Variants in ERI1 observed in about 807,000 individuals in gnomAD.
ERI1 encodes exoribonuclease 1.
ERI1 carries 39 observed loss-of-function variants against 39.7 expected under a neutral mutation model. The observed-to-expected ratio is 0.98, with a 90% CI of 0.76 to 1.28. The LOEUF (loss-of-function observed/expected upper bound fraction) is 1.28. ERI1 is among the 50% of genes most tolerant of loss of function. The pLI is 0.00. For synonymous variants in ERI1, 204 were observed against 149.6 expected (o/e 1.36, Z -2.65); for missense variants, 581 against 416.9 (o/e 1.39, Z -3.43).
At chr8:9,090,500 A>T (rs34443356) in intron 3 of ERI1, among the ~76,000 whole-genome samples, 65,106 of 152,084 alleles carry the variant, frequency 0.43, 14,775 homozygotes, top group Non-Finnish European at 0.49. Flanking sequence ...CTACATGACC[A>T]GGAGTGGAAA....
At chr8:9,090,419 A>T (rs1799668341) in intron 3 of ERI1, among the ~76,000 whole-genome samples, 1 of 152,196 alleles carries the variant, frequency 6.6e-6, no homozygotes. Flanking sequence ...ATAATCAGCA[A>T]TGCAGATGAA....
intron 3 of ERI1, among the ~76,000 whole-genome samples, chr8:9,039,754 T>TA (rs141769521): frequency 0.029 from 4,352 of 152,310 alleles, 114 homozygotes; most frequent in Non-Finnish European, 0.044. Flanking sequence ...GTTATCCTGC[T>TA]AAAAACTAAC....
chr8:9,059,735 C>A (rs67259528), intron 3 of ERI1, among the ~76,000 whole-genome samples: 21,409 of 151,936 alleles, frequency 0.14, 1,634 homozygotes, highest in African/African-American at 0.18. Context: ...TTAAGAGTGG[C>A]GGTTTGGGGA....
chr8:9,029,725 C>G, intron 6 of ERI1, 67 bp from the exon 7 acceptor site: 1 of 1,570,088 alleles, frequency 6.4e-7, no homozygotes, highest in Admixed American at 1.7e-5. Context: ...TATTTTTCAT[C>G]TTAACTGTGG....
intron 3 of ERI1, among the ~76,000 whole-genome samples, chr8:9,090,646 A>G (rs1208126017): frequency 6.6e-6 from 1 of 152,018 alleles, no homozygotes; most frequent in Non-Finnish European, 1.5e-5. Flanking sequence ...GAGAAAGGAA[A>G]CTCTCTCTGG....
chr8:9,027,146 T>C (rs569592161), intron 6 of ERI1, among the ~76,000 whole-genome samples: 1 of 118,410 alleles, frequency 8.4e-6, no homozygotes, highest in East Asian at 5.0e-4. Context: ...GGTGTGTGTG[T>C]GTATGTGTGT....
chr8:9,043,479 C>A (rs961833228), intron 3 of ERI1, among the ~76,000 whole-genome samples: 1 of 152,206 alleles, frequency 6.6e-6, no homozygotes, highest in African/African-American at 2.4e-5. Context: ...CTTTGGAGTT[C>A]AGGAACATCT....
chr8:9,042,325 T>G (rs1398443329), intron 3 of ERI1, among the ~76,000 whole-genome samples: 1 of 152,208 alleles, frequency 6.6e-6, no homozygotes, highest in Non-Finnish European at 1.5e-5. Flanking sequence ...TGCAAAAGGT[T>G]CCTAAAATCT....
chr8:9,025,702 T>TGTGTGTGTG (rs1554519270), intron 6 of ERI1, among the ~76,000 whole-genome samples: 21 of 147,870 alleles, frequency 1.4e-4, no homozygotes, highest in African/African-American at 4.7e-4. Flanking sequence ...TCTTTTTTTT[T>TGTGTGTGTG]TGTGTGTGTG....
downstream of ERI1, among the ~76,000 whole-genome samples, chr8:9,033,605 A>T (rs1223718484): frequency 6.6e-6 from 1 of 152,236 alleles, no homozygotes; most frequent in African/African-American, 2.4e-5. Flanking sequence ...TTTATGGAGC[A>T]CTGTTAAGTA....
At chr8:9,065,002 A>G (rs1166779478) in intron 3 of ERI1, among the ~76,000 whole-genome samples, 2 of 152,142 alleles carry the variant, frequency 1.3e-5, no homozygotes, top group Non-Finnish European at 2.9e-5. Context: ...GGTGCTCAGT[A>G]GGGGAGCTTT....
chr8:9,028,068 T>A (rs1797308516), intron 6 of ERI1, among the ~76,000 whole-genome samples: 1 of 152,232 alleles, frequency 6.6e-6, no homozygotes, highest in Non-Finnish European at 1.5e-5. Flanking sequence ...GGCTTTTGTA[T>A]CAAAGTGATG....
intron 2 of ERI1, 50 bp from the exon 3 acceptor site, chr8:9,011,492 C>G: frequency 7.6e-7 from 1 of 1,323,378 alleles, no homozygotes; most frequent in African/African-American, 1.5e-5. Context: ...AGTTTTGATT[C>G]TTGACTGTAG....
downstream of ERI1, among the ~76,000 whole-genome samples, chr8:9,034,089 A>T (rs1797757444): frequency 6.6e-6 from 1 of 152,248 alleles, no homozygotes; most frequent in African/African-American, 2.4e-5. Flanking sequence ...TCTTGAGTTT[A>T]TAATGACACA....
rs1797676209 is a variant in ERI1 at position 9,032,724 on chromosome 8, CAG to C, written c.*2692_*2693del. 1 of 152,114 alleles carries C rather than the reference CAG, an allele frequency of 6.6e-6. No homozygotes were observed. Among genetic ancestry groups the C allele is most frequent in the Non-Finnish European group, 1.5e-5 (1 of 68,014 alleles). The allele number at this position is 152,114 out of a possible 1,614,324, so 9.4% of individuals were successfully genotyped here. A position where few individuals can be genotyped will look rare whatever the true frequency, so the allele number is the denominator to read the frequency against. On this transcript the variant is annotated 3_prime_UTR_variant, in exon 7 of 7. Transcript: ENST00000250263. The stretch of plus-strand genomic sequence containing the variant: ...TTATCCCCAAAATGATAATGCAAAA[CAG>C]AATAATTTGGAGACCAGGAGAAAAA...
chr8:9,085,244 T>G (rs1799488669), intron 3 of ERI1, among the ~76,000 whole-genome samples: 1 of 152,224 alleles, frequency 6.6e-6, no homozygotes, highest in African/African-American at 2.4e-5. Flanking sequence ...AGTCTTGCTC[T>G]GTCACCCAGG....
rs968771674 is a variant in ERI1, at chr8:9,032,319, G to A, written c.*2285G>A. On this transcript the variant is annotated 3_prime_UTR_variant, in exon 7 of 7. Coordinates refer to ENST00000250263, the MANE Select transcript of ERI1 (RefSeq NM_153332.4). ...ATTTACAAACAATTTATTATTAGCT[G>A]TGTTAACTTTTATTCTATGCTTCAT... is the stretch of plus-strand genomic sequence containing the variant. 1 of 152,090 alleles carries A rather than the reference G, an allele frequency of 6.6e-6. No homozygotes were observed. The highest frequency in any genetic ancestry group is 1.5e-5 in the Non-Finnish European group (1 of 68,012). 9.4% of individuals were successfully genotyped at this position (152,090 alleles called of 1,614,324 possible). A position where few individuals can be genotyped will look rare whatever the true frequency, so the allele number is the denominator to read the frequency against.
In ERI1 at chr8:9,029,806, A is replaced by C; in HGVS notation, c.822A>C (p.Gln274His). The change falls in exon 7 of 7, where the codon CAA becomes CAC. Residue 274 changes from glutamine (Q) to histidine (H), a missense_variant. Coordinates refer to ENST00000250263, the MANE Select transcript of ERI1 (RefSeq NM_153332.4). ...YGNFYKVPRS[Q>H]TKLTIMLEKL... is the part of the protein sequence containing the mutation. Reference sequence around the variant, plus strand: ...TTATTTTTCAGGTTCCTAGAAGCCAAACCAAACTGACAATAATGCTTGAAA... The same window carrying C: ...TTATTTTTCAGGTTCCTAGAAGCCACACCAAACTGACAATAATGCTTGAAA... 6 of 1,614,234 alleles carry C rather than the reference A, an allele frequency of 3.7e-6. No individual in the cohort carries two copies. The South Asian group carries it at 4.4e-5, about 12-fold the overall frequency.
intron 3 of ERI1, among the ~76,000 whole-genome samples, chr8:9,097,666 CAA>C (rs11380594): frequency 1.0e-3 from 99 of 96,706 alleles, no homozygotes; most frequent in African/African-American, 2.6e-3. Flanking sequence ...GACACTCTGT[CAA>C]AAAAAAAAAA....
Sources: allele counts gnomAD v4.1 joint callset (sites outside exome capture counted in the v4.1 genomes callset), GRCh38; gene constraint gnomAD v4.1.1; transcripts MANE v1.5; gene names NCBI Gene and HGNC (gene_info 2026-07-23, HGNC 2026-07-21).